The following AGAP1 variants were observed in gnomAD, a reference collection of about 807,000 sequenced individuals.
AGAP1 encodes the protein ArfGAP with GTPase domain, ankyrin repeat and PH domain 1, also known as arf-GAP with GTPase, ANK repeat and PH domain-containing protein 1.
In AGAP1, 29 loss-of-function variants were observed where a neutral mutation model predicts 105.3. That is an observed-to-expected ratio of 0.28 (90% CI 0.21 to 0.38). The LOEUF (loss-of-function observed/expected upper bound fraction) is 0.38, where lower values mean the gene tolerates loss of function less well. Ranked by LOEUF, AGAP1 falls within the 10% of genes least tolerant of loss-of-function variation. AGAP1 has a pLI of 1.00. For missense variants in AGAP1, 998 were observed against 1,165.1 expected (o/e 0.86, Z 2.09); for synonymous variants, 509 against 485.9 (o/e 1.05, Z -0.63).
chr2:235,692,227 A>G lies in AGAP1; in HGVS notation c.164-16952A>G, dbSNP rs993828901. On this transcript the variant is annotated intron_variant, in intron 1 of 17. Transcript: ENST00000304032. This position sits in a 1 kb window ranked among gnomAD's most constrained non-coding sequence, Gnocchi z 5.8. Reference sequence around the variant, plus strand: ...TCGTCGTGTCTAGGTGGTGACAGCCATGTAGATATGCCCGCTGCCTTGCAC... The same window carrying G: ...TCGTCGTGTCTAGGTGGTGACAGCCGTGTAGATATGCCCGCTGCCTTGCAC... 6.6e-6 allele frequency among the ~76,000 whole-genome samples: 1 copy of G among 152,088 alleles called. No homozygotes were observed. The highest frequency in any genetic ancestry group is 2.4e-5 in the African/African-American group (1 of 41,402).
Position 235,614,810 on chromosome 2 carries a change from T to C in AGAP1, c.164-94369T>C, listed in dbSNP as rs767836193. ...AAGAGGGTGCTGTCTTTTCCTGTTT[T>C]CTTGGCCTCCTAGGGAATCAGTTTG... is the stretch of plus-strand genomic sequence containing the variant. On this transcript the variant is annotated intron_variant, in intron 1 of 17. Transcript: ENST00000304032. This position sits in a 1 kb window ranked among gnomAD's most constrained non-coding sequence, Gnocchi z 4.7. 6.6e-6 allele frequency among the ~76,000 whole-genome samples: 1 copy of C among 152,228 alleles called. No homozygotes were observed. The highest frequency in any genetic ancestry group is 1.5e-5 in the Non-Finnish European group (1 of 68,036).
At chr2:235,861,194 C>A (rs2048915094) in intron 9 of AGAP1, among the ~76,000 whole-genome samples, 1 of 152,200 alleles carries the variant, frequency 6.6e-6, no homozygotes, top group African/African-American at 2.4e-5. Flanking sequence ...CAATCAACTT[C>A]TATAGGGGAC....
intron 16 of AGAP1, among the ~76,000 whole-genome samples, chr2:236,068,114 A>G (rs1034268561): frequency 1.5e-4 from 23 of 152,278 alleles, no homozygotes; most frequent in African/African-American, 5.5e-4. Context: ...TCTGCTAAAA[A>G]TACGAAATTT....
intron 9 of AGAP1, among the ~76,000 whole-genome samples, chr2:235,844,072 T>C (rs1485252358): frequency 6.6e-6 from 1 of 152,144 alleles, no homozygotes; most frequent in Admixed American, 6.5e-5. Flanking sequence ...GAGTCTGTCC[T>C]CCCCACTGCT....
chr2:235,935,788 C>T (rs968346826), intron 12 of AGAP1, among the ~76,000 whole-genome samples: 1 of 152,188 alleles, frequency 6.6e-6, no homozygotes, highest in Non-Finnish European at 1.5e-5. Context: ...TAGGTAATTT[C>T]CTCTAGAAGC....
Position 235,957,198 on chromosome 2 carries a change from A to G in AGAP1, c.1484-11264A>G, listed in dbSNP as rs1012955076. 1.3e-5 allele frequency among the ~76,000 whole-genome samples: 2 copies of G among 152,216 alleles called. No homozygotes were observed. Among genetic ancestry groups the G allele is most frequent in the Non-Finnish European group, 2.9e-5 (2 of 68,034 alleles). On this transcript the variant is annotated intron_variant, in intron 12 of 17. Coordinates refer to ENST00000304032, the MANE Select transcript of AGAP1 (RefSeq NM_001037131.3). The surrounding 1 kb of genome is among the most constrained non-coding windows in gnomAD (Gnocchi z 4.6). Reference sequence around the variant, plus strand: ...TTTTTCTTTGTAAGGCTTTATAAACATATTTCAGTAATCAAGGTCCTCATC... The same window carrying G: ...TTTTTCTTTGTAAGGCTTTATAAACGTATTTCAGTAATCAAGGTCCTCATC...
chr2:235,756,867 C>A (rs1234601735), intron 6 of AGAP1, among the ~76,000 whole-genome samples: 1 of 152,122 alleles, frequency 6.6e-6, no homozygotes, highest in Non-Finnish European at 1.5e-5. Context: ...CCCCATCCCC[C>A]ACCTGCCCCC....
chr2:235,586,145 A>G lies in AGAP1; in HGVS notation c.163+91296A>G, dbSNP rs1330150673. ...GAAAAAGCAGTAAATGTAAGGATTTAGGTCGGCCATTGTCTCCGTGTAAGT... is the reference window on the plus strand; with the variant it reads ...GAAAAAGCAGTAAATGTAAGGATTTGGGTCGGCCATTGTCTCCGTGTAAGT... On this transcript the variant is annotated intron_variant, in intron 1 of 17. Transcript: ENST00000304032. This position sits in a 1 kb window ranked among gnomAD's most constrained non-coding sequence, Gnocchi z 4.2. Among the ~76,000 whole-genome samples the G allele has an allele frequency of 1.3e-5, 2 of 152,210 alleles. No individual in the cohort carries two copies. Among genetic ancestry groups the G allele is most frequent in the African/African-American group, 4.8e-5 (2 of 41,460 alleles).
rs188559261 is a variant in AGAP1, at chr2:235,983,852, C to T, written c.1645+15229C>T. ...GTCACACAATGACAAAATCGCCTAA[C>T]GACACATTTCTCAGAATGCATCACT... On this transcript the variant is annotated intron_variant, in intron 13 of 17. Transcript: ENST00000304032. This position sits in a 1 kb window ranked among gnomAD's most constrained non-coding sequence, Gnocchi z 4.5. Among the ~76,000 whole-genome samples the T allele has an allele frequency of 7.5e-4, 114 of 152,288 alleles. No individual in the cohort carries two copies. Among genetic ancestry groups the T allele is most frequent in the Non-Finnish European group, 1.1e-3 (72 of 68,028 alleles).
chr2:235,897,737 G>A (rs1386312010), intron 10 of AGAP1, among the ~76,000 whole-genome samples: 3 of 152,182 alleles, frequency 2.0e-5, no homozygotes, highest in Admixed American at 6.5e-5. Context: ...CAGTAGGAGA[G>A]GATGACTGTG....
chr2:236,070,168 C>T (rs551489442), intron 16 of AGAP1, among the ~76,000 whole-genome samples: 24 of 152,266 alleles, frequency 1.6e-4, no homozygotes, highest in Non-Finnish European at 2.9e-4. Flanking sequence ...GCACCCTCCC[C>T]AGACTCAGTT....
intron 1 of AGAP1, among the ~76,000 whole-genome samples, chr2:235,501,388 T>C (rs1003959287): frequency 6.6e-5 from 10 of 152,210 alleles, no homozygotes; most frequent in Admixed American, 3.3e-4. Flanking sequence ...TCACTTATTA[T>C]ATGATAATTT....
intron 1 of AGAP1, among the ~76,000 whole-genome samples, chr2:235,652,132 T>C (rs1947616082): frequency 6.6e-6 from 1 of 152,218 alleles, no homozygotes; most frequent in African/African-American, 2.4e-5. Flanking sequence ...GGAGACATGC[T>C]GATCAGCTTT....
rs1172008994 is a variant in AGAP1, at chr2:236,109,023, G to A, written c.2115-11169G>A. ...CTGCCAGGACCAAAACACAGCTGAT[G>A]GTGGCTGTGTGAGACCTCATCTTTG... On this transcript the variant is annotated intron_variant, in intron 16 of 17. Transcript: ENST00000304032. This position sits in a 1 kb window ranked among gnomAD's most constrained non-coding sequence, Gnocchi z 5.4. 6.6e-6 allele frequency among the ~76,000 whole-genome samples: 1 copy of A among 152,232 alleles called. No homozygotes were observed. The highest frequency in any genetic ancestry group is 1.5e-5 in the Non-Finnish European group (1 of 68,044).
At chr2:235,685,189 G>A (rs1253545828) in intron 1 of AGAP1, among the ~76,000 whole-genome samples, 2 of 152,070 alleles carry the variant, frequency 1.3e-5, no homozygotes, top group African/African-American at 4.8e-5. Context: ...TTACCCTGAT[G>A]AGGACAGAAG....
intron 1 of AGAP1, among the ~76,000 whole-genome samples, chr2:235,686,027 A>T (rs897431969): frequency 2.4e-4 from 36 of 152,322 alleles, no homozygotes; most frequent in Non-Finnish European, 3.8e-4. Context: ...CTTAGTGAGC[A>T]GGGCGATGAC....
intron 16 of AGAP1, among the ~76,000 whole-genome samples, chr2:236,116,586 A>G (rs566062292): frequency 6.6e-6 from 1 of 152,160 alleles, no homozygotes; most frequent in South Asian, 2.1e-4. Flanking sequence ...TGACCTCAAG[A>G]GAACCACCCA....
intron 8 of AGAP1, among the ~76,000 whole-genome samples, chr2:235,806,565 G>A (rs1375449934): frequency 3.3e-5 from 5 of 152,172 alleles, no homozygotes; most frequent in Admixed American, 2.6e-4. Flanking sequence ...GCAGTGCATC[G>A]GAGATAATTG....
intron 9 of AGAP1, among the ~76,000 whole-genome samples, chr2:235,817,803 A>G (rs1279502226): frequency 6.6e-6 from 1 of 152,166 alleles, no homozygotes; most frequent in Non-Finnish European, 1.5e-5. Context: ...AGGCAGGAGA[A>G]TCGCTTGAAC....
Sources: allele counts gnomAD v4.1 joint callset (sites outside exome capture counted in the v4.1 genomes callset), GRCh38; gene constraint gnomAD v4.1.1; non-coding constraint Gnocchi (gnomAD v3.1); transcripts MANE v1.5; gene names NCBI Gene and HGNC (gene_info 2026-07-23, HGNC 2026-07-21).